TNFSF11: variants seen among roughly 807,000 people sequenced by gnomAD.
The protein encoded by TNFSF11 is tumor necrosis factor ligand superfamily member 11.
Under a neutral mutation model 32.2 loss-of-function variants are expected in TNFSF11, and 12 were observed. That is an observed-to-expected ratio of 0.37 (90% confidence interval 0.24 to 0.60). The LOEUF (loss-of-function observed/expected upper bound fraction) is 0.60, where lower values mean the gene tolerates loss of function less well. Among genes scored for constraint, TNFSF11 ranks in the 20% least tolerant of loss-of-function variants. TNFSF11 has a pLI of 0.66. For missense variants in TNFSF11, 345 were observed against 398.0 expected (o/e 0.87, Z 1.13); for synonymous variants, 172 against 152.1 (o/e 1.13, Z -0.96).
At position 42,566,217 on chromosome 13, in the gene TNFSF11, T is replaced by C. The variant is rs1872863088; in HGVS notation, c.-301-404T>C. Among the ~76,000 whole-genome samples the C allele has an allele frequency of 3.3e-5, 5 of 152,200 alleles. No homozygotes were observed. In the South Asian group the frequency reaches 8.3e-4, roughly 25 times the overall value. On this transcript the variant is annotated intron_variant, in intron 1 of 6. Transcript: ENST00000358545. ...ATCCTGACAGACATATGGAATCTAC[T>C]TGAAATTTCCAGCCATGAGAGATCC...
At chr13:42,602,066 T>TA (rs1338696962) in intron 4 of TNFSF11, among the ~76,000 whole-genome samples, 1 of 152,188 alleles carries the variant, frequency 6.6e-6, no homozygotes, top group Non-Finnish European at 1.5e-5. Context: ...TCAAAGCCCT[T>TA]ATGTTTCTCT....
intron 4 of TNFSF11, among the ~76,000 whole-genome samples, chr13:42,604,494 G>A (rs192796748): frequency 3.2e-4 from 49 of 152,346 alleles, no homozygotes; most frequent in Non-Finnish European, 5.3e-4. Flanking sequence ...TTTCTGGACA[G>A]AGGGATTGGA....
chr13:42,596,938 C>T (rs1484680127), intron 2 of TNFSF11, among the ~76,000 whole-genome samples: 3 of 152,246 alleles, frequency 2.0e-5, no homozygotes, highest in Admixed American at 2.0e-4. Flanking sequence ...GTATGGGTAT[C>T]TTCTAAACTG....
rs1873579862 is a variant in TNFSF11 at position 42,581,031 on chromosome 13, C to G, written c.220-95C>G. On this transcript the variant is annotated intron_variant, in intron 1 of 4. Transcript: ENST00000398795. ...ATTGTTGGGGACATAAAGACTCTTGCGAGTATGAATTTTTTGTTCTTAAGT... is the reference window on the plus strand; with the variant it reads ...ATTGTTGGGGACATAAAGACTCTTGGGAGTATGAATTTTTTGTTCTTAAGT... 3 of 1,326,198 alleles carry G rather than the reference C, an allele frequency of 2.3e-6. No individual in the cohort carries two copies. In the South Asian group the frequency reaches 3.6e-5, roughly 16 times the overall value. 82.2% of individuals were successfully genotyped at this position (1,326,198 alleles called of 1,614,324 possible).
At chr13:42,606,341 G>C (rs1309675570) in intron 4 of TNFSF11, among the ~76,000 whole-genome samples, 156 bp from the exon 5 acceptor site, 1 of 152,206 alleles carries the variant, frequency 6.6e-6, no homozygotes, top group Non-Finnish European at 1.5e-5. Flanking sequence ...ACATCTGAAT[G>C]TATTCTCCCC....
chr13:42,577,385 A>G (rs1873372412), intron 1 of TNFSF11, among the ~76,000 whole-genome samples: 1 of 152,222 alleles, frequency 6.6e-6, no homozygotes, highest in African/African-American at 2.4e-5. Context: ...TAAAAAATAC[A>G]TATCTACTAG....
intron 2 of TNFSF11, among the ~76,000 whole-genome samples, chr13:42,594,486 T>A (rs1301624836): frequency 6.6e-6 from 1 of 152,188 alleles, no homozygotes; most frequent in Admixed American, 6.5e-5. Context: ...ATCAAAGTCT[T>A]GTTTGGGGCA....
chr13:42,590,838 T>C (rs1399636566), intron 2 of TNFSF11, among the ~76,000 whole-genome samples: 1 of 152,194 alleles, frequency 6.6e-6, no homozygotes, highest in East Asian at 1.9e-4. Context: ...GGTTAAACAA[T>C]AAAAACTAAT....
At chr13:42,581,602 G>C (rs1873619606) in intron 2 of TNFSF11, among the ~76,000 whole-genome samples, 1 of 152,216 alleles carries the variant, frequency 6.6e-6, no homozygotes, top group African/African-American at 2.4e-5. Flanking sequence ...CTGTGAGTCA[G>C]TATGCTAGTT....
chr13:42,583,439 G>A (rs56314951), intron 2 of TNFSF11, among the ~76,000 whole-genome samples: 27,168 of 74,014 alleles, frequency 0.37, 5,436 homozygotes, highest in Non-Finnish European at 0.41. Context: ...AAAAAAAAAA[G>A]AAAGGAAGAA....
At chr13:42,601,029 A>G (rs1869148053) in intron 4 of TNFSF11, 48 bp downstream of exon 4, 1 of 1,602,648 alleles carries the variant, frequency 6.2e-7, no homozygotes, top group Non-Finnish European at 8.5e-7. Flanking sequence ...AGAGTCATTT[A>G]TCAGCCCATT....
intron 2 of TNFSF11, among the ~76,000 whole-genome samples, chr13:42,568,800 C>T (rs1872956710): frequency 6.6e-6 from 1 of 152,168 alleles, no homozygotes; most frequent in Admixed American, 6.5e-5. Flanking sequence ...TTTTCACAGA[C>T]TTATTACCTA....
intron 1 of TNFSF11, among the ~76,000 whole-genome samples, chr13:42,576,677 A>G (rs1211713489): frequency 2.0e-5 from 3 of 152,248 alleles, no homozygotes; most frequent in Non-Finnish European, 2.9e-5. Flanking sequence ...CAATGTGTTC[A>G]TATGAATATA....
At chr13:42,574,136 G>C, upstream of TNFSF11, 1 of 839,792 alleles carries the variant, frequency 1.2e-6, no homozygotes, top group Non-Finnish European at 1.9e-6. Flanking sequence ...TAAGAGTTGG[G>C]GCTGCCGGGC....
At chr13:42,566,039 T>C (rs1299370564) in intron 1 of TNFSF11, among the ~76,000 whole-genome samples, 2 of 152,166 alleles carry the variant, frequency 1.3e-5, no homozygotes, top group Non-Finnish European at 2.9e-5. Flanking sequence ...AAGGAGACAG[T>C]ATAGGAATAG....
chr13:42,585,562 T>A (rs908881049), intron 2 of TNFSF11, among the ~76,000 whole-genome samples: 3 of 152,100 alleles, frequency 2.0e-5, no homozygotes, highest in African/African-American at 7.2e-5. Flanking sequence ...ATCATAACAG[T>A]CTATGACAAT....
In TNFSF11 at chr13:42,591,809, C is replaced by T. The variant is rs112574021; in HGVS notation, c.388-8943C>T. 1.4e-4 allele frequency among the ~76,000 whole-genome samples: 21 copies of T among 152,260 alleles called. 1 individual carries two copies. The highest frequency in any genetic ancestry group is 2.1e-4 in the South Asian group (1 of 4,814). On this transcript the variant is annotated intron_variant, in intron 2 of 4. Transcript: ENST00000398795. ...TCTGTGCCTTGTTAGCCAAGAATGCCGTGGAAATAAGAGCGTTGCAATTAA... is the reference window on the plus strand; with the variant it reads ...TCTGTGCCTTGTTAGCCAAGAATGCTGTGGAAATAAGAGCGTTGCAATTAA...
chr13:42,575,184 G>A (rs1012410224), intron 1 of TNFSF11, among the ~76,000 whole-genome samples: 1 of 152,224 alleles, frequency 6.6e-6, no homozygotes, highest in African/African-American at 2.4e-5. Flanking sequence ...ACAGCCCCAC[G>A]TGCCTGCTAG....
intron 1 of TNFSF11, among the ~76,000 whole-genome samples, chr13:42,577,126 C>G (rs1368692117): frequency 6.6e-6 from 1 of 152,106 alleles, no homozygotes; most frequent in Non-Finnish European, 1.5e-5. Flanking sequence ...AACAAACTAT[C>G]TAGTAACATG....
Sources: gnomAD v4.1 joint callset for allele counts (sites outside exome capture counted in the v4.1 genomes callset) on GRCh38, gnomAD v4.1.1 for gene constraint, MANE v1.5 for transcripts, NCBI Gene and HGNC (gene_info 2026-07-23, HGNC 2026-07-21) for gene names.